The following ADAMTS2 variants were observed in gnomAD, a reference collection of about 807,000 sequenced individuals.
ADAMTS2 encodes ADAM metallopeptidase with thrombospondin type 1 motif 2, also known as A disintegrin and metalloproteinase with thrombospondin motifs 2.
Under a neutral mutation model 123.0 loss-of-function variants are expected in ADAMTS2, and 50 were observed. The ratio of observed to expected loss-of-function variants is 0.41; its 90% CI spans 0.32 to 0.51. ADAMTS2 has a LOEUF of 0.51. Among genes scored for constraint, ADAMTS2 ranks in the 20% least tolerant of loss-of-function variants. The pLI is 0.35. For synonymous variants in ADAMTS2, 678 were observed against 695.4 expected (o/e 0.98, Z 0.39); for missense variants, 1,494 against 1,705.2 (o/e 0.88, Z 2.18).
Position 179,272,001 on chromosome 5 carries a change from G to A in ADAMTS2, c.688+910C>T, listed in dbSNP as rs959306627. ...CAGACTCCAGACTCTCCTCACCCAG[G>A]GGTCCTGACCAGAGGCTGAGGGCTG... On this transcript the variant is annotated intron_variant, in intron 3 of 21. Transcript: ENST00000251582. This position sits in a 1 kb window ranked among gnomAD's most constrained non-coding sequence, Gnocchi z 5.8. 6.6e-6 allele frequency among the ~76,000 whole-genome samples: 1 copy of A among 152,172 alleles called. No homozygotes were observed. Among genetic ancestry groups the A allele is most frequent in the Non-Finnish European group, 1.5e-5 (1 of 68,022 alleles).
Position 179,197,444 on chromosome 5 carries a change from T to C in ADAMTS2, c.891+10069A>G, listed in dbSNP as rs1299900506. 1.3e-5 allele frequency among the ~76,000 whole-genome samples: 2 copies of C among 152,208 alleles called. No homozygotes were observed. The highest frequency in any genetic ancestry group is 4.8e-5 in the African/African-American group (2 of 41,456). On this transcript the variant is annotated intron_variant, in intron 4 of 21. Transcript: ENST00000251582. The surrounding 1 kb of genome is among the most constrained non-coding windows in gnomAD (Gnocchi z 4.2). ...GATAGATTTTACTTTTAAAAATGTATCTGTAGCCAGGCGTGGTGGCTCGTG... is the reference window on the plus strand; with the variant it reads ...GATAGATTTTACTTTTAAAAATGTACCTGTAGCCAGGCGTGGTGGCTCGTG...
At chr5:179,207,475 T>TCCCCCCCCCCCCC in intron 4 of ADAMTS2, 38 bp downstream of exon 4, 20 of 588,606 alleles carry the variant, frequency 3.4e-5, no homozygotes, top group Admixed American at 1.4e-4. Flanking sequence ...TGGTTGACCC[T>TCCCCCCCCCCCCC]CCCCGCCCCA....
chr5:179,257,833 C>T (rs982387557), intron 3 of ADAMTS2, among the ~76,000 whole-genome samples: 3 of 152,318 alleles, frequency 2.0e-5, no homozygotes, highest in Non-Finnish European at 2.9e-5. Context: ...GCCACTGCCC[C>T]GGGCTGCTCA....
In ADAMTS2 at chr5:179,272,617, A is replaced by T. The variant is rs531868944; in HGVS notation, c.688+294T>A. 6.6e-6 allele frequency among the ~76,000 whole-genome samples: 1 copy of T among 152,250 alleles called. No individual in the cohort carries two copies. Among genetic ancestry groups the T allele is most frequent in the African/African-American group, 2.4e-5 (1 of 41,560 alleles). ...CTTGCTTGCCTTTAGGCAACAGAAG[A>T]TGGGCCCTTGGACAGCCTTCATAGT... On this transcript the variant is annotated intron_variant, in intron 3 of 21. Coordinates refer to ENST00000251582, the MANE Select transcript of ADAMTS2 (RefSeq NM_014244.5). The surrounding 1 kb of genome is among the most constrained non-coding windows in gnomAD (Gnocchi z 5.8).
chr5:179,168,876 G>T (rs116636097), intron 5 of ADAMTS2, among the ~76,000 whole-genome samples: 3,777 of 152,280 alleles, frequency 0.025, 69 homozygotes, highest in Non-Finnish European at 0.035. Flanking sequence ...CACGAGAGCT[G>T]GGGCAGGAGG....
At chr5:179,212,729 G>A (rs1469737624) in intron 3 of ADAMTS2, among the ~76,000 whole-genome samples, 4 of 117,926 alleles carry the variant, frequency 3.4e-5, no homozygotes, top group Admixed American at 1.7e-4. Flanking sequence ...CTGAGGGCGG[G>A]TGCAGTGGGC....
In ADAMTS2 at chr5:179,256,973, G is replaced by A. The variant is rs985305550; in HGVS notation, c.688+15938C>T. ...GAGGTCAGGCCAGAGCAAGGACTCCGCAGGCCAGGCCCACACTGGCGGCCC... is the reference window on the plus strand; with the variant it reads ...GAGGTCAGGCCAGAGCAAGGACTCCACAGGCCAGGCCCACACTGGCGGCCC... On this transcript the variant is annotated intron_variant, in intron 3 of 21. Transcript: ENST00000251582. The surrounding 1 kb of genome is among the most constrained non-coding windows in gnomAD (Gnocchi z 4.1). Among the ~76,000 whole-genome samples, 1 of 152,240 alleles carries A rather than the reference G, an allele frequency of 6.6e-6. No individual in the cohort carries two copies. The highest frequency in any genetic ancestry group is 2.4e-5 in the African/African-American group (1 of 41,480).
At chr5:179,340,383 G>T (rs529315284) in intron 2 of ADAMTS2, among the ~76,000 whole-genome samples, 2 of 152,162 alleles carry the variant, frequency 1.3e-5, no homozygotes, top group Non-Finnish European at 2.9e-5. Context: ...GCAGCCCAGC[G>T]CAGGTCACGA....
chr5:179,236,979 G>A (rs115051671), intron 3 of ADAMTS2, among the ~76,000 whole-genome samples: 3,123 of 152,212 alleles, frequency 0.021, 113 homozygotes, highest in African/African-American at 0.071. Context: ...CCATGGCCAG[G>A]TGCAGTGGCT....
At chr5:179,222,925 G>A (rs756165399) in intron 3 of ADAMTS2, among the ~76,000 whole-genome samples, 6 of 152,242 alleles carry the variant, frequency 3.9e-5, no homozygotes, top group Non-Finnish European at 7.3e-5. Flanking sequence ...ACCCAGTCCT[G>A]TTGCCACTTT....
rs1182409555 is a variant in ADAMTS2 at position 179,272,910 on chromosome 5, C to T, written c.688+1G>A. 4 of 1,608,766 alleles carry T rather than the reference C, an allele frequency of 2.5e-6. No homozygotes were observed. In the Admixed American group the frequency reaches 5.0e-5, roughly 20 times the overall value. On this transcript the variant is annotated splice_donor_variant, in intron 3 of 21. Transcript: ENST00000251582. LOFTEE classifies it high-confidence loss of function. The surrounding 1 kb of genome is among the most constrained non-coding windows in gnomAD (Gnocchi z 5.8). ...AGCCTGCCCACCTGCAGTAGCCTCA[C>T]CTGTGTCCAGGGCCTGTGGCCCCCC...
At chr5:179,227,142 T>C (rs1464659599) in intron 3 of ADAMTS2, among the ~76,000 whole-genome samples, 1 of 152,188 alleles carries the variant, frequency 6.6e-6, no homozygotes, top group African/African-American at 2.4e-5. Context: ...TATATATACT[T>C]GTGTGTGCAC....
intron 4 of ADAMTS2, among the ~76,000 whole-genome samples, chr5:179,192,468 C>T (rs1462983594): frequency 3.3e-5 from 5 of 152,222 alleles, no homozygotes; most frequent in Non-Finnish European, 7.3e-5. Flanking sequence ...GTTTATGTGG[C>T]TTAGCTCCCT....
At chr5:179,191,678 G>A (rs543257814) in intron 4 of ADAMTS2, among the ~76,000 whole-genome samples, 1 of 152,088 alleles carries the variant, frequency 6.6e-6, no homozygotes, top group Non-Finnish European at 1.5e-5. Context: ...GCTTGGAGCC[G>A]GAGCCCTATC....
chr5:179,136,759 A>G (rs1159682398), intron 12 of ADAMTS2, among the ~76,000 whole-genome samples: 1 of 151,612 alleles, frequency 6.6e-6, no homozygotes, highest in Non-Finnish European at 1.5e-5. Flanking sequence ...TCATGACGTC[A>G]GGAGATGGAG....
At chr5:179,138,086 C>A in intron 11 of ADAMTS2, 142 bp from the exon 12 acceptor site, 1 of 915,294 alleles carries the variant, frequency 1.1e-6, no homozygotes, top group Admixed American at 2.1e-5. Flanking sequence ...GGACCTTGCC[C>A]TGCCATGTCC....
At chr5:179,247,591 AAAAGAC>A (rs1265236388) in intron 3 of ADAMTS2, among the ~76,000 whole-genome samples, 3 of 152,330 alleles carry the variant, frequency 2.0e-5, no homozygotes, top group Non-Finnish European at 4.4e-5. Context: ...TCAAATTGTC[AAAAGAC>A]AAAGACAAAA....
rs917262029 is a variant in ADAMTS2, at chr5:179,256,186, G to A, written c.688+16725C>T. On this transcript the variant is annotated intron_variant, in intron 3 of 21. Coordinates refer to ENST00000251582, the MANE Select transcript of ADAMTS2 (RefSeq NM_014244.5). This position sits in a 1 kb window ranked among gnomAD's most constrained non-coding sequence, Gnocchi z 4.1. ...TCAGGTGGGAGCACAGGTGCCTTTC[G>A]CACAGGGCCCAGCAGCCAGCTCAGC... Among the ~76,000 whole-genome samples, 2 of 152,308 alleles carry A rather than the reference G, an allele frequency of 1.3e-5. No homozygotes were observed. Among genetic ancestry groups the A allele is most frequent in the East Asian group, 3.9e-4 (2 of 5,184 alleles).
chr5:179,325,542 C>G (rs1355686599), intron 2 of ADAMTS2, among the ~76,000 whole-genome samples: 13 of 152,240 alleles, frequency 8.5e-5, no homozygotes, highest in Non-Finnish European at 1.8e-4. Flanking sequence ...AGTCCTGTGA[C>G]GAGGCCTGGC....
Sources: gnomAD v4.1 joint callset for allele counts (sites outside exome capture counted in the v4.1 genomes callset) on GRCh38, gnomAD v4.1.1 for gene constraint, Gnocchi (gnomAD v3.1) non-coding constraint, MANE v1.5 for transcripts, NCBI Gene and HGNC (gene_info 2026-07-23, HGNC 2026-07-21) for gene names.